Variants in ABTB3 observed in about 807,000 individuals in gnomAD.
ABTB3 encodes the protein ankyrin repeat and BTB domain containing 3.
At chr12:107,471,803 G>A in the ABTB3 span, among the ~76,000 whole-genome samples, 1 of 152,130 alleles carries the variant, frequency 6.6e-6, no homozygotes, top group Non-Finnish European at 1.5e-5. Flanking sequence ...CTCTGCCCCC[G>A]TGCCTAGAGT....
the ABTB3 span, among the ~76,000 whole-genome samples, chr12:107,487,239 G>A: frequency 1.3e-5 from 2 of 152,144 alleles, no homozygotes; most frequent in Admixed American, 1.3e-4. Context: ...GGTCCTCAGT[G>A]CCTAGCCCTG....
chr12:107,371,363 C>A, the ABTB3 span, among the ~76,000 whole-genome samples: 3 of 152,158 alleles, frequency 2.0e-5, no homozygotes, highest in Non-Finnish European at 4.4e-5. Flanking sequence ...ACTGGCAAAT[C>A]TTGTTCTAGG....
chr12:107,470,095 G>A, the ABTB3 span, among the ~76,000 whole-genome samples: 12 of 150,604 alleles, frequency 8.0e-5, no homozygotes, highest in African/African-American at 2.9e-4. Context: ...CTGGAGCGCA[G>A]TGGCATAATC....
At chr12:107,555,514 G>T in the ABTB3 span, among the ~76,000 whole-genome samples, 1 of 152,156 alleles carries the variant, frequency 6.6e-6, no homozygotes, top group African/African-American at 2.4e-5. Flanking sequence ...AACTAAACTG[G>T]CTGCCACATC....
the ABTB3 span, among the ~76,000 whole-genome samples, chr12:107,512,989 A>G: frequency 6.6e-6 from 1 of 152,238 alleles, no homozygotes; most frequent in South Asian, 2.1e-4. Flanking sequence ...ACCAGGGTTC[A>G]AACCCAGGCA....
At chr12:107,370,757 A>ATTTTTT in the ABTB3 span, among the ~76,000 whole-genome samples, 5 of 87,464 alleles carry the variant, frequency 5.7e-5, no homozygotes, top group African/African-American at 1.8e-4. Flanking sequence ...CAAAAAAGGG[A>ATTTTTT]TTTTTTTTTT....
At chr12:107,478,508 A>C in the ABTB3 span, among the ~76,000 whole-genome samples, 1 of 152,218 alleles carries the variant, frequency 6.6e-6, no homozygotes, top group Admixed American at 6.5e-5. Context: ...TTTGATGAAC[A>C]AATTAATAAC....
the ABTB3 span, among the ~76,000 whole-genome samples, chr12:107,558,638 A>T: frequency 4.6e-5 from 7 of 152,096 alleles, no homozygotes. Flanking sequence ...CCCGTGAAAG[A>T]TTTGCTGACC....
At chr12:107,593,813 T>G in the ABTB3 span, among the ~76,000 whole-genome samples, 10 of 152,158 alleles carry the variant, frequency 6.6e-5, no homozygotes, top group Non-Finnish European at 1.0e-4. Flanking sequence ...TTCCTCTGCA[T>G]GGCCCCACCC....
chr12:107,565,587 C>A, the ABTB3 span, among the ~76,000 whole-genome samples: 9 of 152,272 alleles, frequency 5.9e-5, no homozygotes, highest in South Asian at 1.9e-3. Context: ...AACACTCCCC[C>A]ACTTTCCAGC....
At chr12:107,545,856 A>G in the ABTB3 span, among the ~76,000 whole-genome samples, 82,368 of 151,988 alleles carry the variant, frequency 0.54, 22,701 homozygotes, top group East Asian at 0.67. Flanking sequence ...TCCTAGCCCC[A>G]ACAGCCTGTC....
At chr12:107,560,793 AG>A in the ABTB3 span, among the ~76,000 whole-genome samples, 7 of 152,198 alleles carry the variant, frequency 4.6e-5, no homozygotes, top group Non-Finnish European at 1.0e-4. Context: ...CTGTGGACAA[AG>A]TTCATTGCAC....
chr12:107,506,012 T>C, the ABTB3 span, among the ~76,000 whole-genome samples: 1 of 152,228 alleles, frequency 6.6e-6, no homozygotes, highest in Non-Finnish European at 1.5e-5. Context: ...CATGTGTCTT[T>C]ATAATAGAGT....
At chr12:107,519,275 A>T in the ABTB3 span, among the ~76,000 whole-genome samples, 1 of 150,238 alleles carries the variant, frequency 6.7e-6, no homozygotes, top group East Asian at 1.9e-4. Context: ...TCAGATCTCC[A>T]GTTTTGCAGA....
chr12:107,456,307 A>T, the ABTB3 span, among the ~76,000 whole-genome samples: 1 of 152,356 alleles, frequency 6.6e-6, no homozygotes, highest in Admixed American at 6.5e-5. Context: ...ACTGGGCCGC[A>T]TAGCAGGAAG....
At chr12:107,638,389 C>T in the ABTB3 span, among the ~76,000 whole-genome samples, 1 of 152,168 alleles carries the variant, frequency 6.6e-6, no homozygotes, top group Non-Finnish European at 1.5e-5. Context: ...CCAGGGTGAG[C>T]CCAACAGCTG....
chr12:107,381,540 A>G, the ABTB3 span, among the ~76,000 whole-genome samples: 6 of 152,250 alleles, frequency 3.9e-5, no homozygotes, highest in Non-Finnish European at 2.9e-5. Flanking sequence ...GGCAGATACA[A>G]GAGACTAGAG....
At chr12:107,572,021 C>T in the ABTB3 span, among the ~76,000 whole-genome samples, 1 of 152,148 alleles carries the variant, frequency 6.6e-6, no homozygotes, top group Non-Finnish European at 1.5e-5. Context: ...ATGATCAAGT[C>T]CTAATGCGCA....
At chr12:107,380,761 C>T in the ABTB3 span, among the ~76,000 whole-genome samples, 3 of 152,174 alleles carry the variant, frequency 2.0e-5, no homozygotes, top group East Asian at 3.9e-4. Context: ...AGGGTACATG[C>T]GTGAATGTGC....
Sources: allele counts gnomAD v4.1 joint callset (sites outside exome capture counted in the v4.1 genomes callset), GRCh38; gene constraint gnomAD v4.1.1; transcripts MANE v1.5; gene names NCBI Gene and HGNC (gene_info 2026-07-23, HGNC 2026-07-21).